KCNQ5: variants seen among roughly 807,000 people sequenced by gnomAD.
KCNQ5 encodes potassium voltage-gated channel subfamily Q member 5, also known as potassium voltage-gated channel subfamily KQT member 5.
In KCNQ5, 30 loss-of-function variants were observed where a neutral mutation model predicts 98.2. The ratio of observed to expected loss-of-function variants is 0.31; its 90% CI spans 0.23 to 0.41. The LOEUF (loss-of-function observed/expected upper bound fraction) is 0.41, where lower values mean the gene tolerates loss of function less well. KCNQ5 is among the 10% of genes least tolerant of loss of function. KCNQ5 has a pLI of 1.00. For synonymous variants in KCNQ5, 458 were observed against 449.4 expected, an observed-to-expected ratio of 1.02 and a Z score of -0.24; for missense variants, 835 against 1,182.5, an observed-to-expected ratio of 0.71 and a Z score of 4.31.
chr6:72,636,397 G>A (rs1221871422), intron 1 of KCNQ5, among the ~76,000 whole-genome samples: 1 of 152,132 alleles, frequency 6.6e-6, no homozygotes, highest in African/African-American at 2.4e-5. Flanking sequence ...TATCATAGGA[G>A]TACATAGGAG....
At chr6:73,079,930 C>T (rs1375621006) in intron 5 of KCNQ5, among the ~76,000 whole-genome samples, 1 of 152,204 alleles carries the variant, frequency 6.6e-6, no homozygotes, top group Non-Finnish European at 1.5e-5. Flanking sequence ...TTAATTTTTG[C>T]TTCTCTTGGA....
chr6:72,860,867 G>GTT (rs1392559583), intron 1 of KCNQ5, among the ~76,000 whole-genome samples: 1 of 151,478 alleles, frequency 6.6e-6, no homozygotes, highest in Non-Finnish European at 1.5e-5. Context: ...GTGTGTGTGT[G>GTT]TGTGTGTATG....
At chr6:72,872,702 G>A (rs748156800) in intron 1 of KCNQ5, among the ~76,000 whole-genome samples, 22 of 151,956 alleles carry the variant, frequency 1.4e-4, no homozygotes, top group Non-Finnish European at 2.5e-4. Flanking sequence ...GATTTACAAC[G>A]AGGAAAAATT....
intron 1 of KCNQ5, among the ~76,000 whole-genome samples, chr6:72,738,047 C>T (rs1338505219): frequency 2.0e-5 from 3 of 151,800 alleles, no homozygotes; most frequent in Non-Finnish European, 1.5e-5. Flanking sequence ...TCCAACTACT[C>T]AGGAGGCTGA....
intron 1 of KCNQ5, among the ~76,000 whole-genome samples, chr6:72,761,717 AACT>A (rs1387806648): frequency 6.6e-6 from 1 of 152,054 alleles, no homozygotes; most frequent in Non-Finnish European, 1.5e-5. Flanking sequence ...TTTTTGCAGT[AACT>A]ACAATATGCA....
At chr6:72,862,544 T>G (rs981744777) in intron 1 of KCNQ5, among the ~76,000 whole-genome samples, 1 of 152,186 alleles carries the variant, frequency 6.6e-6, no homozygotes, top group Admixed American at 6.5e-5. Context: ...CATTCTAGTA[T>G]TCTACCACCC....
intron 1 of KCNQ5, among the ~76,000 whole-genome samples, chr6:72,798,463 G>A (rs1485861395): frequency 6.6e-6 from 1 of 152,160 alleles, no homozygotes; most frequent in Non-Finnish European, 1.5e-5. Flanking sequence ...ATTCAAACGA[G>A]TTTGGTTCTC....
intron 1 of KCNQ5, among the ~76,000 whole-genome samples, chr6:72,958,694 C>T (rs893442637): frequency 4.6e-5 from 7 of 152,224 alleles, no homozygotes; most frequent in African/African-American, 1.7e-4. Flanking sequence ...GTTATCAGGC[C>T]TTACACTAAG....
intron 1 of KCNQ5, among the ~76,000 whole-genome samples, chr6:72,784,356 A>G (rs1429008825): frequency 2.0e-5 from 3 of 152,212 alleles, no homozygotes; most frequent in African/African-American, 7.2e-5. Context: ...AGCAGAGAGA[A>G]CCAGATAAGT....
chr6:73,149,568 C>A (rs1226893997), intron 10 of KCNQ5, among the ~76,000 whole-genome samples: 1 of 152,100 alleles, frequency 6.6e-6, no homozygotes, highest in African/African-American at 2.4e-5. Flanking sequence ...GATGCTGAGG[C>A]AGGCAAATCA....
At chr6:72,778,986 C>T (rs1313956422) in intron 1 of KCNQ5, among the ~76,000 whole-genome samples, 1 of 152,128 alleles carries the variant, frequency 6.6e-6, no homozygotes, top group African/African-American at 2.4e-5. Flanking sequence ...CACTGTAGTG[C>T]TTGTCTTTAG....
chr6:73,100,281 C>A (rs751420047), intron 5 of KCNQ5, among the ~76,000 whole-genome samples: 6 of 152,026 alleles, frequency 3.9e-5, no homozygotes, highest in East Asian at 1.9e-4. Context: ...ATGCAACCTA[C>A]AAGAGCAAGA....
chr6:73,192,427 G>A, intron 12 of KCNQ5, 138 bp from the exon 13 acceptor site: 1 of 705,500 alleles, frequency 1.4e-6, no homozygotes, highest in Non-Finnish European at 2.1e-6. Context: ...CATATCAACT[G>A]GAACAAGTTC....
At chr6:73,127,171 A>G (rs1776023818) in intron 9 of KCNQ5, among the ~76,000 whole-genome samples, 1 of 152,196 alleles carries the variant, frequency 6.6e-6, no homozygotes, top group Admixed American at 6.5e-5. Flanking sequence ...ATCACAAAGT[A>G]AAATGCATTT....
chr6:72,890,666 G>C (rs952669766), intron 1 of KCNQ5, among the ~76,000 whole-genome samples: 1 of 152,142 alleles, frequency 6.6e-6, no homozygotes, highest in Non-Finnish European at 1.5e-5. Flanking sequence ...TCTTATTCTT[G>C]ATCGAAATAG....
chr6:72,728,618 G>A (rs567458203), intron 1 of KCNQ5, among the ~76,000 whole-genome samples: 1 of 152,206 alleles, frequency 6.6e-6, no homozygotes, highest in Non-Finnish European at 1.5e-5. Flanking sequence ...TCTGGAAGAA[G>A]GTAATGTTCT....
intron 1 of KCNQ5, among the ~76,000 whole-genome samples, chr6:72,637,708 T>C (rs960014956): frequency 2.6e-5 from 4 of 152,194 alleles, no homozygotes; most frequent in Non-Finnish European, 5.9e-5. Flanking sequence ...GATAAAATTC[T>C]ATAGTTCTGT....
intron 1 of KCNQ5, among the ~76,000 whole-genome samples, chr6:72,735,319 A>G (rs1180907834): frequency 1.3e-5 from 2 of 152,230 alleles, no homozygotes; most frequent in Non-Finnish European, 2.9e-5. Flanking sequence ...GCAGAATCCA[A>G]TATGAAAATT....
At chr6:72,997,899 G>A (rs1308544722) in intron 1 of KCNQ5, among the ~76,000 whole-genome samples, 1 of 151,638 alleles carries the variant, frequency 6.6e-6, no homozygotes, top group Non-Finnish European at 1.5e-5. Flanking sequence ...GAATCGTGCA[G>A]TGTTCTAATC....
Sources: allele counts gnomAD v4.1 joint callset (sites outside exome capture counted in the v4.1 genomes callset), GRCh38; gene constraint gnomAD v4.1.1; transcripts MANE v1.5; gene names NCBI Gene and HGNC (gene_info 2026-07-23, HGNC 2026-07-21).